RGSL1: variants seen among roughly 807,000 people sequenced by gnomAD.
RGSL1 encodes regulator of G protein signaling like 1.
Under a neutral mutation model 124.7 loss-of-function variants are expected in RGSL1, and 97 were observed. The ratio of observed to expected loss-of-function variants is 0.78; its 90% CI spans 0.66 to 0.92. RGSL1 has a LOEUF of 0.92. Among genes scored for constraint, RGSL1 ranks in the 40% least tolerant of loss-of-function variants. RGSL1 has a pLI of 0.00. For synonymous variants in RGSL1, 424 were observed against 438.1 expected (o/e 0.97, Z 0.40); for missense variants, 1,233 against 1,288.4 (o/e 0.96, Z 0.66).
At chr1:182,519,284 A>G (rs1194886563) in intron 9 of RGSL1, among the ~76,000 whole-genome samples, 1 of 151,930 alleles carries the variant, frequency 6.6e-6, no homozygotes, top group Non-Finnish European at 1.5e-5. Context: ...GCCCTTTGAT[A>G]TTTCCTTTAG....
intron 6 of RGSL1, among the ~76,000 whole-genome samples, chr1:182,476,996 C>A (rs1302847357): frequency 6.6e-6 from 1 of 152,172 alleles, no homozygotes; most frequent in Non-Finnish European, 1.5e-5. Context: ...GCACATATCA[C>A]TAAATACATA....
At chr1:182,450,209 CT>C in intron 1 of RGSL1, 31 bp downstream of exon 1, 1 of 1,551,588 alleles carries the variant, frequency 6.4e-7, no homozygotes, top group Non-Finnish European at 8.7e-7. Flanking sequence ...TCTCCAAGGC[CT>C]TGAGTCTCTC....
At chr1:182,543,716 CAT>C (rs1431519626) in intron 15 of RGSL1, among the ~76,000 whole-genome samples, 1 of 151,968 alleles carries the variant, frequency 6.6e-6, no homozygotes, top group Non-Finnish European at 1.5e-5. Flanking sequence ...TCTTGTTACT[CAT>C]TATCTGTTCA....
At position 182,474,442 on chromosome 1, in the gene RGSL1, G is replaced by C. The variant is rs1654123952; in HGVS notation, c.1331G>C (p.Cys444Ser). ...ELYLNEQIGP[C>S]LPLKSQTIQG... The stretch of plus-strand genomic sequence containing the variant: ...TACCTGAATGAGCAGATTGGTCCGT[G>C]CTTACCACTCAAATCCCAAACCATT... The change falls in exon 6 of 22, where the codon TGC becomes TCC. Residue 444 changes from cysteine to serine, a missense_variant. Physicochemically the swap from Cys to Ser is moderately radical, Grantham distance 112 (BLOSUM62 -1). Coordinates refer to ENST00000294854, the MANE Select transcript of RGSL1 (RefSeq NM_001137669.2). 1 of 1,551,880 alleles carries C rather than the reference G, an allele frequency of 6.4e-7. No homozygotes were observed. The highest frequency in any genetic ancestry group is 1.4e-5 in the African/African-American group (1 of 73,038).
chr1:182,522,863 A>G (rs1344298013), intron 10 of RGSL1, among the ~76,000 whole-genome samples: 1 of 152,058 alleles, frequency 6.6e-6, no homozygotes, highest in Non-Finnish European at 1.5e-5. Context: ...TCACTTACTC[A>G]TGTATTCATT....
chr1:182,535,112 C>A (rs978241211), intron 14 of RGSL1, among the ~76,000 whole-genome samples: 1 of 152,258 alleles, frequency 6.6e-6, no homozygotes, highest in East Asian at 1.9e-4. Flanking sequence ...ATATGAGCAG[C>A]TGAATACCCA....
At chr1:182,481,433 G>T (rs1390340674) in intron 6 of RGSL1, among the ~76,000 whole-genome samples, 2 of 152,108 alleles carry the variant, frequency 1.3e-5, no homozygotes, top group Admixed American at 1.3e-4. Flanking sequence ...CAGTAAAAGA[G>T]ACTGAAGAAG....
In RGSL1 at chr1:182,510,427, G is replaced by A. The variant is rs1382981796; in HGVS notation, c.1826-11577G>A. ...TGAACGAGACTCCGTCTGCAATCCC[G>A]GCACCTCGGGAGGCCAAGGCTGGCG... On this transcript the variant is annotated intron_variant, in intron 9 of 21. Transcript: ENST00000294854. Among the ~76,000 whole-genome samples the A allele has an allele frequency of 4.7e-5, 2 of 42,960 alleles. 1 individual carries two copies. The highest frequency in any genetic ancestry group is 2.3e-4 in the African/African-American group (2 of 8,860). The allele number at this position is 42,960 out of a possible 152,430, so 28.2% of individuals were successfully genotyped here.
intron 9 of RGSL1, among the ~76,000 whole-genome samples, chr1:182,495,355 C>T (rs1655835041): frequency 6.6e-6 from 1 of 152,164 alleles, no homozygotes; most frequent in African/African-American, 2.4e-5. Context: ...TTTAGTGCCT[C>T]TTTCATGGTA....
At chr1:182,477,967 C>T (rs1449800397) in intron 6 of RGSL1, among the ~76,000 whole-genome samples, 1 of 152,178 alleles carries the variant, frequency 6.6e-6, no homozygotes, top group East Asian at 1.9e-4. Context: ...TAACATTTCA[C>T]TATCTGACCC....
chr1:182,543,383 A>G lies in RGSL1; in HGVS notation c.2669+2962A>G, dbSNP rs188744019. ...TTTGCGTATGTTGAATCACCCTTGT[A>G]TTCCTGGGATGAATCCCATTAGATC... On this transcript the variant is annotated intron_variant, in intron 15 of 21. Transcript: ENST00000294854. Among the ~76,000 whole-genome samples, 273 of 152,252 alleles carry G rather than the reference A, an allele frequency of 1.8e-3. 2 individuals are homozygous for G. Among genetic ancestry groups the G allele is most frequent in the Admixed American group, 4.7e-3 (72 of 15,298 alleles).
At chr1:182,506,069 A>G (rs779646071) in intron 9 of RGSL1, among the ~76,000 whole-genome samples, 38 of 152,176 alleles carry the variant, frequency 2.5e-4, no homozygotes, top group Admixed American at 1.2e-3. Flanking sequence ...CTCAATCTCA[A>G]TTTAATCACA....
At chr1:182,517,442 TTA>T (rs1463630322) in intron 9 of RGSL1, among the ~76,000 whole-genome samples, 1 of 34,778 alleles carries the variant, frequency 2.9e-5, no homozygotes, top group Non-Finnish European at 7.1e-5. Flanking sequence ...TTTTCAATTA[TTA>T]TTTTTTTTTA....
At chr1:182,506,725 G>A (rs1027819070) in intron 9 of RGSL1, among the ~76,000 whole-genome samples, 4 of 152,010 alleles carry the variant, frequency 2.6e-5, no homozygotes, top group African/African-American at 9.7e-5. Flanking sequence ...TATACATTGG[G>A]TTTAAAATGC....
chr1:182,485,899 T>C (rs1655062173), intron 6 of RGSL1, among the ~76,000 whole-genome samples: 1 of 152,228 alleles, frequency 6.6e-6, no homozygotes, highest in Admixed American at 6.5e-5. Flanking sequence ...TAAAGTTTTA[T>C]TGCAACAAAA....
intron 10 of RGSL1, among the ~76,000 whole-genome samples, chr1:182,526,683 A>C (rs1335963470): frequency 6.6e-6 from 1 of 152,184 alleles, no homozygotes; most frequent in African/African-American, 2.4e-5. Flanking sequence ...GAATACAAGG[A>C]ATGCAAAAAC....
Position 182,527,697 on chromosome 1 carries a change from G to C in RGSL1, c.2050G>C (p.Glu684Gln), listed in dbSNP as rs537460613. 6.1e-5 allele frequency: 95 copies of C among 1,551,312 alleles called. No homozygotes were observed. Among genetic ancestry groups the C allele is most frequent in the Middle Eastern group, 5.0e-4 (3 of 5,988 alleles). The change falls in exon 11 of 22, where the codon GAG (glutamate) becomes CAG (glutamine). Residue 684 changes from glutamate (E) to glutamine (Q), a missense_variant. Glu to Gln is a conservative substitution (Grantham distance 29). Coordinates refer to ENST00000294854, the MANE Select transcript of RGSL1 (RefSeq NM_001137669.2). ...CACAGCTGTACAGAAGATCAGTATA[G>C]AGACCAATGAAAAGATTTGCAAGTC... ...FLTAVQKISIETNEKICKSLI... is the reference protein window; with the variant it reads ...FLTAVQKISIQTNEKICKSLI...
intron 2 of RGSL1, among the ~76,000 whole-genome samples, chr1:182,457,713 A>C (rs1271598089): frequency 1.3e-5 from 2 of 152,226 alleles, no homozygotes; most frequent in Non-Finnish European, 2.9e-5. Context: ...AGACTGCTTA[A>C]GTTTACATAC....
chr1:182,498,281 T>C (rs1309985901), intron 9 of RGSL1, among the ~76,000 whole-genome samples: 1 of 152,224 alleles, frequency 6.6e-6, no homozygotes, highest in African/African-American at 2.4e-5. Flanking sequence ...CGTTTTGGAA[T>C]GTCTCTTGAG....
Sources: gnomAD v4.1 joint callset for allele counts (sites outside exome capture counted in the v4.1 genomes callset) on GRCh38, gnomAD v4.1.1 for gene constraint, MANE v1.5 for transcripts, NCBI Gene and HGNC (gene_info 2026-07-23, HGNC 2026-07-21) for gene names.